PPP1R14C: variants seen among roughly 807,000 people sequenced by gnomAD.
PPP1R14C encodes the protein protein phosphatase 1 regulatory subunit 14C.
A neutral mutation model predicts 20.4 loss-of-function variants in PPP1R14C; 16 were observed. That is an observed-to-expected ratio of 0.78 (90% CI 0.53 to 1.19). PPP1R14C has a LOEUF of 1.19. Among genes scored for constraint, PPP1R14C ranks in the 50% most tolerant of loss-of-function variants. PPP1R14C has a pLI of 0.00. For missense variants in PPP1R14C, 211 were observed against 220.1 expected, an observed-to-expected ratio of 0.96 and a Z score of 0.26; for synonymous variants, 91 against 91.0, an observed-to-expected ratio of 1.00 and a Z score of 0.00.
rs536437550 is a variant in PPP1R14C at position 150,151,411 on chromosome 6, T to C, written c.306+7913T>C. Reference sequence around the variant, plus strand: ...CACACCCAGGAGTCACAAAGTCTTGTTGATGCTCCTACAGCTCTGGAATAT... The same window carrying C: ...CACACCCAGGAGTCACAAAGTCTTGCTGATGCTCCTACAGCTCTGGAATAT... On this transcript the variant is annotated intron_variant, in intron 1 of 3. Transcript: ENST00000361131. Among the ~76,000 whole-genome samples the C allele has an allele frequency of 3.3e-5, 5 of 152,310 alleles. No homozygotes were observed. The East Asian group carries it at 7.7e-4, about 24-fold the overall frequency.
At chr6:150,220,466 T>C (rs574502808) in intron 3 of PPP1R14C, among the ~76,000 whole-genome samples, 1 of 152,256 alleles carries the variant, frequency 6.6e-6, no homozygotes, top group East Asian at 1.9e-4. Flanking sequence ...GATTTTAAAT[T>C]GTGTGATGGG....
chr6:150,225,290 T>C (rs1339324688), intron 3 of PPP1R14C, among the ~76,000 whole-genome samples: 1 of 152,206 alleles, frequency 6.6e-6, no homozygotes, highest in Non-Finnish European at 1.5e-5. Context: ...GGAGAATTCT[T>C]AGAGGTAAGA....
chr6:150,190,679 C>T (rs1283603195), intron 1 of PPP1R14C, among the ~76,000 whole-genome samples: 1 of 152,104 alleles, frequency 6.6e-6, no homozygotes, highest in Non-Finnish European at 1.5e-5. Context: ...CTCTCCTCGG[C>T]CTCTTAAAGT....
chr6:150,237,540 A>G (rs1778376710), intron 3 of PPP1R14C, among the ~76,000 whole-genome samples: 2 of 152,184 alleles, frequency 1.3e-5, no homozygotes, highest in South Asian at 2.1e-4. Context: ...TGTAGACTGG[A>G]AAGTTCAGTG....
At chr6:150,171,869 G>A (rs1040562539) in intron 1 of PPP1R14C, among the ~76,000 whole-genome samples, 6 of 151,878 alleles carry the variant, frequency 4.0e-5, no homozygotes, top group African/African-American at 7.3e-5. Context: ...GCAGTGGTGC[G>A]GTCTTGGCTC....
Position 150,201,594 on chromosome 6 carries a change from G to C in PPP1R14C, c.307-13150G>C, listed in dbSNP as rs1261064595. On this transcript the variant is annotated intron_variant, in intron 1 of 3. Transcript: ENST00000361131. This position sits in a 1 kb window ranked among gnomAD's most constrained non-coding sequence, Gnocchi z 4.2. ...CTTCCAGGCAGAGGTAAGACTGTTG[G>C]TCCTAAGACTGGTAGGAAGCCACCC... is the stretch of plus-strand genomic sequence containing the variant. Among the ~76,000 whole-genome samples the C allele has an allele frequency of 1.3e-5, 2 of 152,174 alleles. No homozygotes were observed. The highest frequency in any genetic ancestry group is 2.9e-5 in the Non-Finnish European group (2 of 68,036).
chr6:150,187,545 T>A lies in PPP1R14C; in HGVS notation c.307-27199T>A, dbSNP rs192410359. Among the ~76,000 whole-genome samples, 198 of 152,234 alleles carry A rather than the reference T, an allele frequency of 1.3e-3. 4 individuals are homozygous for A. The highest frequency in any genetic ancestry group is 4.5e-3 in the African/African-American group (188 of 41,530). ...AGCTTCTACTTTTGGGAATGTGTGG[T>A]ATTTGGTTTTCTGTTCCTGCATTAG... On this transcript the variant is annotated intron_variant, in intron 1 of 3. Transcript: ENST00000361131.
At chr6:150,188,482 C>CTT (rs753993224) in intron 1 of PPP1R14C, among the ~76,000 whole-genome samples, 2,038 of 104,830 alleles carry the variant, frequency 0.019, 44 homozygotes, top group African/African-American at 0.031. Flanking sequence ...CAGGAATTAC[C>CTT]TTTTTTTTTT....
At chr6:150,204,808 ACT>A (rs1407949788) in intron 1 of PPP1R14C, among the ~76,000 whole-genome samples, 4 of 151,822 alleles carry the variant, frequency 2.6e-5, no homozygotes, top group African/African-American at 9.7e-5. Context: ...CAAGGGACCG[ACT>A]CTGTGCTGAG....
intron 1 of PPP1R14C, among the ~76,000 whole-genome samples, chr6:150,144,162 C>T (rs1037905453): frequency 1.3e-5 from 2 of 152,202 alleles, no homozygotes; most frequent in African/African-American, 4.8e-5. Context: ...CAGTTACTCC[C>T]ATTGATGGGC....
chr6:150,238,926 G>C (rs1314524846), intron 3 of PPP1R14C, among the ~76,000 whole-genome samples: 1 of 152,144 alleles, frequency 6.6e-6, no homozygotes, highest in African/African-American at 2.4e-5. Flanking sequence ...ACATAGAGGA[G>C]GCCTTCAATC....
chr6:150,165,520 T>G (rs147276871), intron 1 of PPP1R14C, among the ~76,000 whole-genome samples: 79 of 152,386 alleles, frequency 5.2e-4, no homozygotes, highest in African/African-American at 1.8e-3. Flanking sequence ...CAGCCAGTCA[T>G]GCAATAAATA....
intron 3 of PPP1R14C, among the ~76,000 whole-genome samples, chr6:150,241,947 T>C (rs1778436597): frequency 6.6e-6 from 1 of 152,316 alleles, no homozygotes; most frequent in East Asian, 1.9e-4. Flanking sequence ...TGATGTCTTC[T>C]GGAGAATTAC....
At chr6:150,156,485 A>G (rs977778602) in intron 1 of PPP1R14C, among the ~76,000 whole-genome samples, 1 of 152,210 alleles carries the variant, frequency 6.6e-6, no homozygotes, top group African/African-American at 2.4e-5. Context: ...TGGTAAAGCC[A>G]TTTCATTCAT....
At position 150,150,745 on chromosome 6, in the gene PPP1R14C, C is replaced by A. The variant is rs1777236512; in HGVS notation, c.306+7247C>A. ...CCAGTCTCCTCCTCTGCAAGCTAGA[C>A]CAGCCACCCTCCAGGCACTTCATTC... On this transcript the variant is annotated intron_variant, in intron 1 of 3. Coordinates refer to ENST00000361131, the MANE Select transcript of PPP1R14C (RefSeq NM_030949.3). Among the ~76,000 whole-genome samples the A allele has an allele frequency of 2.0e-5, 3 of 152,162 alleles. No homozygotes were observed. The South Asian group carries it at 6.2e-4, about 31-fold the overall frequency.
intron 1 of PPP1R14C, among the ~76,000 whole-genome samples, chr6:150,145,085 T>G (rs1204041782): frequency 1.3e-5 from 2 of 152,168 alleles, no homozygotes; most frequent in South Asian, 4.1e-4. Context: ...GCATGGTTCT[T>G]TTTGTGGGAG....
At chr6:150,194,879 C>T in intron 1 of PPP1R14C, 3 of 985,242 alleles carry the variant, frequency 3.0e-6, no homozygotes, top group East Asian at 1.1e-4. Context: ...CAATTATTGA[C>T]ACTGATTTAA....
chr6:150,191,239 C>A (rs532652815), intron 1 of PPP1R14C, among the ~76,000 whole-genome samples: 3 of 152,352 alleles, frequency 2.0e-5, no homozygotes, highest in African/African-American at 7.2e-5. Flanking sequence ...CTCCATACTT[C>A]CTGGCTCCTT....
chr6:150,228,841 C>G (rs9322253), intron 3 of PPP1R14C, among the ~76,000 whole-genome samples: 2,546 of 152,186 alleles, frequency 0.017, 79 homozygotes, highest in East Asian at 0.15. Flanking sequence ...TAATAGTGAT[C>G]AGAAGAAATT....
Sources: allele counts gnomAD v4.1 joint callset (sites outside exome capture counted in the v4.1 genomes callset), GRCh38; gene constraint gnomAD v4.1.1; non-coding constraint Gnocchi (gnomAD v3.1); transcripts MANE v1.5; gene names NCBI Gene and HGNC (gene_info 2026-07-23, HGNC 2026-07-21).